The following GDAP2 variants were observed in gnomAD, a reference collection of about 807,000 sequenced individuals.
GDAP2 encodes the protein ganglioside induced differentiation associated protein 2.
A neutral mutation model predicts 67.0 loss-of-function variants in GDAP2; 51 were observed. The observed-to-expected ratio is 0.76, with a 90% CI of 0.61 to 0.96. The LOEUF is 0.96. Among genes scored for constraint, GDAP2 ranks in the 40% least tolerant of loss-of-function variants. GDAP2 has a pLI of 0.00. For missense variants in GDAP2, 547 were observed against 588.3 expected, an observed-to-expected ratio of 0.93 and a Z score of 0.73; for synonymous variants, 203 against 207.3, an observed-to-expected ratio of 0.98 and a Z score of 0.18.
At chr1:117,871,068 G>A (rs1648242678) in intron 13 of GDAP2, among the ~76,000 whole-genome samples, 1 of 152,110 alleles carries the variant, frequency 6.6e-6, no homozygotes, top group Non-Finnish European at 1.5e-5. Context: ...TTGTTAGATT[G>A]TGTTGTCTTA....
intron 8 of GDAP2, among the ~76,000 whole-genome samples, chr1:117,888,009 T>C (rs1368593228): frequency 2.0e-5 from 3 of 152,160 alleles, no homozygotes; most frequent in Admixed American, 2.0e-4. Context: ...TTAAAAATCC[T>C]TATAATCAAA....
intron 12 of GDAP2, 138 bp downstream of exon 12, chr1:117,881,685 C>G: frequency 1.5e-6 from 1 of 651,550 alleles, no homozygotes; most frequent in Non-Finnish European, 2.8e-6. Flanking sequence ...AGGACCACAA[C>G]TCAAGATCAC....
At chr1:117,881,787 A>T in intron 12 of GDAP2, 36 bp downstream of exon 12, 2 of 1,138,000 alleles carry the variant, frequency 1.8e-6, no homozygotes, top group Non-Finnish European at 2.7e-6. Context: ...CAGTGCACAT[A>T]AATTCTAGAT....
Position 117,887,737 on chromosome 1 carries a change from G to T in GDAP2, c.991C>A (p.Leu331Met). 6.3e-7 allele frequency: 1 copy of T among 1,579,182 alleles called. No homozygotes were observed. Among genetic ancestry groups the T allele is most frequent in the Non-Finnish European group, 8.7e-7 (1 of 1,148,866 alleles). The change falls in exon 9 of 14, where the codon CTG (leucine) becomes ATG (methionine). Residue 331 changes from leucine to methionine, a missense_variant. Leu to Met is a conservative substitution (Grantham distance 15). Coordinates refer to ENST00000369443, the MANE Select transcript of GDAP2 (RefSeq NM_017686.4). Reference protein sequence around the residue: ...RWLCQARSEDLSDIASLKALY... With the variant: ...RWLCQARSEDMSDIASLKALY... ...GCTTTTAGAGAAGCAATATCAGACA[G>T]ATCCTCAGATCTTGCTTGACATAAC...
At chr1:117,877,839 T>C in intron 13 of GDAP2, 170 bp downstream of exon 13, 3 of 1,265,446 alleles carry the variant, frequency 2.4e-6, no homozygotes, top group Non-Finnish European at 3.0e-6. Context: ...ACAAATCCTT[T>C]TCCTAAAGTT....
chr1:117,885,862 C>G (rs1648836233), intron 10 of GDAP2, among the ~76,000 whole-genome samples: 1 of 152,038 alleles, frequency 6.6e-6, no homozygotes, highest in Non-Finnish European at 1.5e-5. Context: ...ACATAATTAT[C>G]TTGTGGGTTC....
intron 13 of GDAP2, among the ~76,000 whole-genome samples, chr1:117,873,904 C>G (rs770547441): frequency 6.6e-6 from 1 of 152,184 alleles, no homozygotes; most frequent in Non-Finnish European, 1.5e-5. Context: ...AATATAGTCT[C>G]GTTTCTCTGC....
At chr1:117,929,142 A>G (rs1650582152) in intron 1 of GDAP2, among the ~76,000 whole-genome samples, 1 of 152,098 alleles carries the variant, frequency 6.6e-6, no homozygotes, top group African/African-American at 2.4e-5. Context: ...AACCAGCAAG[A>G]GCTCCCGCCT....
At chr1:117,885,307 C>T (rs1648813448) in intron 10 of GDAP2, among the ~76,000 whole-genome samples, 1 of 151,998 alleles carries the variant, frequency 6.6e-6, no homozygotes, top group South Asian at 2.1e-4. Flanking sequence ...AAGTTTTTAT[C>T]ACTATATAAC....
rs2101110986 is a variant in GDAP2, at chr1:117,867,540, A to AG, written c.*3028_*3029insC. 6.4e-6 allele frequency: 1 copy of AG among 157,462 alleles called. No homozygotes were observed. The highest frequency in any genetic ancestry group is 1.9e-4 in the East Asian group (1 of 5,392). 9.8% of individuals were successfully genotyped at this position (157,462 alleles called of 1,614,324 possible). ...CCTGTCTCTACTGAAAAAAAAAAAA[A>AG]AAAAAAAAAAAATTAGCCAGGCATG... On this transcript the variant is annotated 3_prime_UTR_variant, in exon 14 of 14. Coordinates refer to ENST00000369443, the MANE Select transcript of GDAP2 (RefSeq NM_017686.4).
rs773387119 is a variant in GDAP2, at chr1:117,906,577, C to T, written c.565G>A (p.Val189Ile). 7 of 1,513,528 alleles carry T rather than the reference C, an allele frequency of 4.6e-6. No homozygotes were observed. The Admixed American group carries it at 5.1e-5, about 11-fold the overall frequency. 93.8% of individuals were successfully genotyped at this position (1,513,528 alleles called of 1,614,324 possible). The change falls in exon 6 of 14, where the codon GTA becomes ATA. Residue 189 changes from valine (V) to isoleucine (I), a missense_variant. Physicochemically the swap from Val to Ile is conservative, Grantham distance 29 (BLOSUM62 3). Coordinates refer to ENST00000369443, the MANE Select transcript of GDAP2 (RefSeq NM_017686.4). ...EDATHIALRT[V>I]RRFLEIHGET... ...CCATGAATCTCTAGGAATCTTCTTACAGTGCCTAAGGAAAAGAATAGAAAG... is the reference window on the plus strand; with the variant it reads ...CCATGAATCTCTAGGAATCTTCTTATAGTGCCTAAGGAAAAGAATAGAAAG...
intron 10 of GDAP2, among the ~76,000 whole-genome samples, chr1:117,884,729 T>C (rs1021225284): frequency 2.0e-5 from 3 of 152,026 alleles, no homozygotes; most frequent in African/African-American, 7.3e-5. Context: ...ATTATGAAAA[T>C]GAGGGTCACA....
intron 11 of GDAP2, 147 bp downstream of exon 11, chr1:117,883,341 C>T: frequency 1.7e-6 from 1 of 578,892 alleles, no homozygotes; most frequent in Non-Finnish European, 3.0e-6. Flanking sequence ...GGAGGGTCTC[C>T]TATGATTGAA....
At chr1:117,901,294 T>C (rs760596389) in intron 6 of GDAP2, among the ~76,000 whole-genome samples, 5 of 152,214 alleles carry the variant, frequency 3.3e-5, no homozygotes, top group African/African-American at 9.6e-5. Context: ...GTTTCTACTT[T>C]TTGGCAATTA....
chr1:117,914,329 C>A (rs1649971759), intron 3 of GDAP2, among the ~76,000 whole-genome samples: 1 of 151,828 alleles, frequency 6.6e-6, no homozygotes. Flanking sequence ...CTGCTATAGC[C>A]AAGTGAAAAA....
At chr1:117,921,316 GC>G (rs1366525153) in intron 1 of GDAP2, among the ~76,000 whole-genome samples, 3 of 152,186 alleles carry the variant, frequency 2.0e-5, no homozygotes, top group Non-Finnish European at 4.4e-5. Flanking sequence ...GTGAATAAGA[GC>G]AAGTCCCTGC....
At chr1:117,927,993 C>T (rs1650514656) in intron 1 of GDAP2, among the ~76,000 whole-genome samples, 1 of 152,210 alleles carries the variant, frequency 6.6e-6, no homozygotes, top group Non-Finnish European at 1.5e-5. Context: ...TTACCACTCA[C>T]AGTTGCTCTG....
At chr1:117,890,045 G>C (rs1649013356) in intron 8 of GDAP2, among the ~76,000 whole-genome samples, 1 of 152,088 alleles carries the variant, frequency 6.6e-6, no homozygotes, top group Non-Finnish European at 1.5e-5. Flanking sequence ...AAAGGCTCTT[G>C]AGTTTAAGGT....
chr1:117,881,851 TAAAC>T lies in GDAP2; in HGVS notation c.1270_1273del (p.Val424IlefsTer24). 1 of 1,581,048 alleles carries T rather than the reference TAAAC, an allele frequency of 6.3e-7. No homozygotes were observed. Among genetic ancestry groups the T allele is most frequent in the Middle Eastern group, 1.7e-4 (1 of 5,994 alleles). ...TGAACGAAATGTGGGATGTACAAAA[TAAAC>T]AGCCTTCAAATTCCTCTTGTACCTG... On this transcript the variant is annotated frameshift_variant, in exon 12 of 14. Transcript: ENST00000369443. LOFTEE classifies it high-confidence loss of function.
Sources: allele counts gnomAD v4.1 joint callset (sites outside exome capture counted in the v4.1 genomes callset), GRCh38; gene constraint gnomAD v4.1.1; transcripts MANE v1.5; gene names NCBI Gene and HGNC (gene_info 2026-07-23, HGNC 2026-07-21).